Variants in LRBA observed in about 807,000 individuals in gnomAD.
LRBA encodes the protein lipopolysaccharide-responsive and beige-like anchor protein.
LRBA carries 176 observed loss-of-function variants against 330.0 expected under a neutral mutation model. The ratio of observed to expected loss-of-function variants is 0.53; its 90% CI spans 0.47 to 0.60. The LOEUF (loss-of-function observed/expected upper bound fraction) is 0.60, where lower values mean the gene tolerates loss of function less well. LRBA is among the 20% of genes least tolerant of loss of function. The probability of loss-of-function intolerance (pLI) is 0.00; values close to 1 mark genes in which losing one functional copy is unlikely to be tolerated. For synonymous variants in LRBA, 1,230 were observed against 1,193.0 expected (o/e 1.03, Z -0.64); for missense variants, 3,259 against 3,444.8 (o/e 0.95, Z 1.35).
intron 34 of LRBA, among the ~76,000 whole-genome samples, chr4:150,765,315 G>GA (rs1479460844): frequency 9.2e-5 from 14 of 152,176 alleles, no homozygotes; most frequent in African/African-American, 3.4e-4. Context: ...TACTCTGCAT[G>GA]AAACTATAAT....
intron 48 of LRBA, among the ~76,000 whole-genome samples, chr4:150,341,431 G>A (rs1013306050): frequency 6.6e-6 from 1 of 152,062 alleles, no homozygotes; most frequent in African/African-American, 2.4e-5. Flanking sequence ...GCCTCCCAAA[G>A]TGCTGGGATT....
At chr4:150,818,522 T>C (rs1173322249) in intron 30 of LRBA, among the ~76,000 whole-genome samples, 1 of 135,776 alleles carries the variant, frequency 7.4e-6, no homozygotes, top group Non-Finnish European at 1.6e-5. Context: ...GGAGTAGATA[T>C]GACGAATGTC....
chr4:150,850,069 T>C (rs778915565), intron 24 of LRBA, among the ~76,000 whole-genome samples: 29 of 151,978 alleles, frequency 1.9e-4, no homozygotes, highest in Admixed American at 8.5e-4. Flanking sequence ...TAAAAATACA[T>C]TGGAAATATT....
intron 47 of LRBA, among the ~76,000 whole-genome samples, chr4:150,415,073 G>T (rs1259394249): frequency 6.6e-6 from 1 of 152,078 alleles, no homozygotes; most frequent in Non-Finnish European, 1.5e-5. Context: ...TTTCTATTAT[G>T]AAAATGTGCA....
intron 53 of LRBA, among the ~76,000 whole-genome samples, chr4:150,288,671 C>T (rs1157857988): frequency 6.6e-6 from 1 of 150,484 alleles, no homozygotes; most frequent in East Asian, 1.9e-4. Flanking sequence ...GTACATTCCA[C>T]AAAAATACCA....
At chr4:150,914,139 A>T in intron 9 of LRBA, 56 bp downstream of exon 9, 3 of 1,431,438 alleles carry the variant, frequency 2.1e-6, no homozygotes, top group Non-Finnish European at 2.8e-6. Context: ...TGTATAACCC[A>T]CCTTCAAATC....
At chr4:150,742,145 T>TATA (rs5862934) in intron 35 of LRBA, among the ~76,000 whole-genome samples, 1,643 of 143,458 alleles carry the variant, frequency 0.011, 19 homozygotes, top group African/African-American at 0.031. Context: ...ATTATTATTA[T>TATA]TATTATTTTT....
At chr4:150,646,848 G>A (rs1416407522) in intron 37 of LRBA, among the ~76,000 whole-genome samples, 1 of 151,820 alleles carries the variant, frequency 6.6e-6, no homozygotes, top group Non-Finnish European at 1.5e-5. Context: ...GGAGCATTTC[G>A]GACTTTTGGA....
intron 47 of LRBA, among the ~76,000 whole-genome samples, chr4:150,354,910 C>A (rs1172647857): frequency 6.6e-6 from 1 of 151,672 alleles, no homozygotes. Context: ...TTGTATAACC[C>A]TGTGTCAGAA....
intron 2 of LRBA, among the ~76,000 whole-genome samples, chr4:150,994,256 G>C (rs985329506): frequency 6.6e-6 from 1 of 151,912 alleles, no homozygotes; most frequent in African/African-American, 2.4e-5. Flanking sequence ...AGGAGAACAG[G>C]GTGCTCTGAG....
intron 35 of LRBA, among the ~76,000 whole-genome samples, chr4:150,756,353 C>A (rs1250856543): frequency 6.6e-6 from 1 of 152,138 alleles, no homozygotes; most frequent in Non-Finnish European, 1.5e-5. Flanking sequence ...GCAGCCAGAT[C>A]TATTTCTGCC....
chr4:150,914,093 CTTT>C (rs372369181), intron 9 of LRBA, 99 bp downstream of exon 9: 50 of 720,522 alleles, frequency 6.9e-5, no homozygotes, highest in South Asian at 1.8e-4. Context: ...TCTCATTTTT[CTTT>C]TTTTTTTTTG....
chr4:150,764,740 TG>T (rs1404286818), intron 34 of LRBA, among the ~76,000 whole-genome samples: 2 of 151,988 alleles, frequency 1.3e-5, no homozygotes, highest in Admixed American at 1.3e-4. Context: ...CCTATAAGAA[TG>T]GCCAAAATCC....
At chr4:150,696,022 G>C (rs1233065780) in intron 36 of LRBA, among the ~76,000 whole-genome samples, 1 of 152,092 alleles carries the variant, frequency 6.6e-6, no homozygotes, top group Non-Finnish European at 1.5e-5. Context: ...GAGGCCAGGA[G>C]AGTTCAAAGC....
At chr4:150,419,811 T>C (rs1424426990) in intron 46 of LRBA, among the ~76,000 whole-genome samples, 2 of 151,440 alleles carry the variant, frequency 1.3e-5, no homozygotes, top group Non-Finnish European at 2.9e-5. Context: ...TTAATTTTTG[T>C]ATTTTTAGTA....
intron 11 of LRBA, among the ~76,000 whole-genome samples, chr4:150,907,267 G>A (rs1213264327): frequency 1.2e-5 from 1 of 82,508 alleles, no homozygotes; most frequent in Admixed American, 1.2e-4. Context: ...AGGGAAGAGA[G>A]AAGGGGGGGA....
At chr4:150,671,821 A>G (rs72959835) in intron 37 of LRBA, among the ~76,000 whole-genome samples, 5,043 of 152,262 alleles carry the variant, frequency 0.033, 231 homozygotes, top group African/African-American at 0.11. Context: ...GAAAGGGAGG[A>G]GAGTGAATCA....
intron 40 of LRBA, among the ~76,000 whole-genome samples, chr4:150,551,652 A>G (rs755016133): frequency 2.6e-5 from 4 of 151,556 alleles, no homozygotes; most frequent in Non-Finnish European, 5.9e-5. Context: ...TGGGTGACAG[A>G]GCAAGACCCT....
intron 36 of LRBA, among the ~76,000 whole-genome samples, chr4:150,703,223 C>G (rs1166311918): frequency 2.0e-5 from 3 of 152,184 alleles, no homozygotes; most frequent in Non-Finnish European, 4.4e-5. Flanking sequence ...AAAACAGCGA[C>G]AATCCAGTAA....
Sources: gnomAD v4.1 joint callset for allele counts (sites outside exome capture counted in the v4.1 genomes callset) on GRCh38, gnomAD v4.1.1 for gene constraint, MANE v1.5 for transcripts, NCBI Gene and HGNC (gene_info 2026-07-23, HGNC 2026-07-21) for gene names.